Variants in REDIC1 observed in about 807,000 individuals in gnomAD.
REDIC1 encodes the protein regulator of DNA class I crossover intermediates 1, also known as HEI10 Interacting Protein 1.
the REDIC1 span, among the ~76,000 whole-genome samples, chr12:39,896,289 T>TGC: frequency 7.2e-5 from 3 of 41,806 alleles, 1 homozygote; most frequent in East Asian, 2.3e-3. Context: ...CATGTATGTA[T>TGC]ATGTGTGTAT....
At chr12:39,889,614 C>A in the REDIC1 span, among the ~76,000 whole-genome samples, 1 of 147,244 alleles carries the variant, frequency 6.8e-6, no homozygotes, top group African/African-American at 2.5e-5. Context: ...CACACCACAA[C>A]CTCTGCCTCC....
chr12:39,814,555 G>A, the REDIC1 span, among the ~76,000 whole-genome samples: 1 of 152,056 alleles, frequency 6.6e-6, no homozygotes, highest in Non-Finnish European at 1.5e-5. Flanking sequence ...ACTGAAGAAT[G>A]CTTTGGTAGA....
chr12:39,664,090 T>TA, the REDIC1 span, among the ~76,000 whole-genome samples: 303 of 151,640 alleles, frequency 2.0e-3, no homozygotes, highest in African/African-American at 6.2e-3. Context: ...TTTTTTTTTT[T>TA]AAACTTTAAG....
At chr12:39,846,807 T>G in the REDIC1 span, among the ~76,000 whole-genome samples, 1 of 152,126 alleles carries the variant, frequency 6.6e-6, no homozygotes, top group African/African-American at 2.4e-5. Context: ...AATAATAGCA[T>G]CTATCTCAGT....
At chr12:39,725,921 A>T in the REDIC1 span, among the ~76,000 whole-genome samples, 3 of 151,882 alleles carry the variant, frequency 2.0e-5, no homozygotes, top group East Asian at 3.9e-4. Flanking sequence ...TTCAGTTCTG[A>T]TGGGTACAGG....
the REDIC1 span, among the ~76,000 whole-genome samples, chr12:39,700,676 C>G: frequency 7.2e-5 from 11 of 151,984 alleles, no homozygotes; most frequent in African/African-American, 1.7e-4. Context: ...ATGTTAAGGG[C>G]AGCCAGAGAG....
the REDIC1 span, among the ~76,000 whole-genome samples, chr12:39,885,695 C>A: frequency 6.6e-6 from 1 of 152,154 alleles, no homozygotes; most frequent in Non-Finnish European, 1.5e-5. Flanking sequence ...CCTCGTGAAT[C>A]ATGGAATAAA....
the REDIC1 span, among the ~76,000 whole-genome samples, chr12:39,646,159 C>G: frequency 6.6e-6 from 1 of 151,580 alleles, no homozygotes; most frequent in Non-Finnish European, 1.5e-5. Context: ...GTTTTAAAGT[C>G]TCTGATAGTT....
chr12:39,733,245 G>T, the REDIC1 span, among the ~76,000 whole-genome samples: 1 of 152,136 alleles, frequency 6.6e-6, no homozygotes, highest in South Asian at 2.1e-4. Flanking sequence ...GGAATAAAAT[G>T]TTGAAATGTT....
chr12:39,702,401 G>T, the REDIC1 span, among the ~76,000 whole-genome samples: 1 of 152,178 alleles, frequency 6.6e-6, no homozygotes, highest in Non-Finnish European at 1.5e-5. Context: ...TTGAATCCCT[G>T]AATAGGCCAA....
the REDIC1 span, among the ~76,000 whole-genome samples, chr12:39,702,783 C>G: frequency 6.6e-6 from 1 of 152,104 alleles, no homozygotes; most frequent in Non-Finnish European, 1.5e-5. Flanking sequence ...GTTCAATATA[C>G]GCAAATCAAT....
chr12:39,899,094 G>A, the REDIC1 span, among the ~76,000 whole-genome samples: 10 of 152,062 alleles, frequency 6.6e-5, no homozygotes, highest in African/African-American at 1.4e-4. Context: ...GAATTCGGCT[G>A]TGAATCCATC....
chr12:39,797,870 T>C, the REDIC1 span, among the ~76,000 whole-genome samples: 1 of 152,180 alleles, frequency 6.6e-6, no homozygotes, highest in Non-Finnish European at 1.5e-5. Context: ...AGAATACTTC[T>C]AATGAGATCT....
At chr12:39,663,861 C>T in the REDIC1 span, among the ~76,000 whole-genome samples, 2 of 151,892 alleles carry the variant, frequency 1.3e-5, no homozygotes, top group East Asian at 3.9e-4. Flanking sequence ...GAATCTCCTG[C>T]TTTCTTTTTC....
the REDIC1 span, among the ~76,000 whole-genome samples, chr12:39,640,035 C>A: frequency 1.3e-5 from 2 of 150,466 alleles, no homozygotes; most frequent in Non-Finnish European, 1.5e-5. Context: ...ATTATAGATA[C>A]AAAGCACATC....
the REDIC1 span, among the ~76,000 whole-genome samples, chr12:39,896,229 C>A: frequency 1.6e-5 from 2 of 126,434 alleles, no homozygotes; most frequent in South Asian, 2.4e-4. Flanking sequence ...TACATATATG[C>A]ATATGTGTAT....
chr12:39,655,034 T>A, the REDIC1 span, among the ~76,000 whole-genome samples: 15 of 152,226 alleles, frequency 9.9e-5, no homozygotes, highest in African/African-American at 3.6e-4. Flanking sequence ...GTTTATAGTA[T>A]ACCCTTGAAA....
At chr12:39,683,118 C>G in the REDIC1 span, 1 of 1,603,280 alleles carries the variant, frequency 6.2e-7, no homozygotes. Context: ...ACGATTACTA[C>G]CCAAGCAGCT....
the REDIC1 span, among the ~76,000 whole-genome samples, chr12:39,711,709 ATG>A: frequency 8.6e-5 from 1 of 11,562 alleles, no homozygotes; most frequent in Non-Finnish European, 4.0e-4. Flanking sequence ...GTGTATACAC[ATG>A]CATGTGTATG....
Sources: gnomAD v4.1 joint callset for allele counts (sites outside exome capture counted in the v4.1 genomes callset) on GRCh38, gnomAD v4.1.1 for gene constraint, MANE v1.5 for transcripts, NCBI Gene and HGNC (gene_info 2026-07-23, HGNC 2026-07-21) for gene names.